The following SHC3 variants were observed in gnomAD, a reference collection of about 807,000 sequenced individuals.
SHC3 encodes the protein SHC-transforming protein 3.
In SHC3, 15 loss-of-function variants were observed where a neutral mutation model predicts 60.4. That is an observed-to-expected ratio of 0.25 (90% confidence interval 0.17 to 0.38). SHC3 has a LOEUF of 0.38. Among genes scored for constraint, SHC3 ranks in the 10% least tolerant of loss-of-function variants. SHC3 has a pLI of 1.00. For synonymous variants in SHC3, 294 were observed against 325.9 expected, an observed-to-expected ratio of 0.90 and a Z score of 1.05; for missense variants, 677 against 786.1, an observed-to-expected ratio of 0.86 and a Z score of 1.66.
At chr9:89,078,175 C>CTT (rs879883731) in intron 2 of SHC3, among the ~76,000 whole-genome samples, 6 of 144,420 alleles carry the variant, frequency 4.2e-5, no homozygotes, top group Admixed American at 6.9e-5. Context: ...CAATGCTACA[C>CTT]TTTTTTTTTT....
In SHC3 at chr9:89,012,878, G is replaced by C. The variant is rs1826030880; in HGVS notation, c.*569C>G. 6.6e-6 allele frequency: 1 copy of C among 152,320 alleles called. No homozygotes were observed. Among genetic ancestry groups the C allele is most frequent in the South Asian group, 2.1e-4 (1 of 4,826 alleles). The allele number at this position is 152,320 out of a possible 1,614,324, so 9.4% of individuals were successfully genotyped here. On this transcript the variant is annotated 3_prime_UTR_variant, in exon 12 of 12. Transcript: ENST00000375835. ...CGTGGAGTGCAGTGCAGGGAGCACAGGAGGTGTCCCAGGGAGGCCAAGGGA... is the reference window on the plus strand; with the variant it reads ...CGTGGAGTGCAGTGCAGGGAGCACACGAGGTGTCCCAGGGAGGCCAAGGGA...
chr9:89,044,831 T>C (rs908059861), intron 9 of SHC3, among the ~76,000 whole-genome samples: 17 of 152,172 alleles, frequency 1.1e-4, no homozygotes, highest in Non-Finnish European at 2.2e-4. Flanking sequence ...TCGACATTAG[T>C]TTTAATGTGT....
At chr9:89,032,810 C>G (rs1479608072) in intron 11 of SHC3, among the ~76,000 whole-genome samples, 1 of 152,104 alleles carries the variant, frequency 6.6e-6, no homozygotes, top group African/African-American at 2.4e-5. Context: ...TGCCAAGTTT[C>G]CCCCTTTATA....
Position 89,013,997 on chromosome 9 carries a change from G to A in SHC3, c.1657-422C>T, listed in dbSNP as rs542072148. 3.3e-5 allele frequency among the ~76,000 whole-genome samples: 5 copies of A among 152,178 alleles called. No homozygotes were observed. The South Asian group carries it at 8.3e-4, about 25-fold the overall frequency. On this transcript the variant is annotated intron_variant, in intron 11 of 11. Transcript: ENST00000375835. ...CTAGGCCTTTGCATGGACATCTCCC[G>A]GCCCAGAATTAGTGTCTTCCACCTG...
At chr9:89,073,974 C>CT (rs1228625264) in intron 4 of SHC3, among the ~76,000 whole-genome samples, 1 of 152,130 alleles carries the variant, frequency 6.6e-6, no homozygotes, top group African/African-American at 2.4e-5. Context: ...GAACTAGTCC[C>CT]TTAGACAAGT....
chr9:89,113,687 T>G (rs149817187), intron 1 of SHC3, among the ~76,000 whole-genome samples: 19 of 152,258 alleles, frequency 1.2e-4, no homozygotes, highest in African/African-American at 3.1e-4. Context: ...CAACAAACTT[T>G]GCAGACTCGG....
intron 1 of SHC3, among the ~76,000 whole-genome samples, chr9:89,142,296 G>A (rs1436423086): frequency 6.6e-6 from 1 of 152,136 alleles, no homozygotes; most frequent in African/African-American, 2.4e-5. Context: ...GCGATGGCTT[G>A]CACTTGTAAT....
intron 2 of SHC3, chr9:89,109,423 G>C (rs1276293816): frequency 4.0e-5 from 39 of 984,982 alleles, no homozygotes; most frequent in African/African-American, 5.2e-5. Context: ...AATGTACATG[G>C]ATAAGGGTGC....
intron 10 of SHC3, among the ~76,000 whole-genome samples, chr9:89,040,282 C>CCAT (rs1824667739): frequency 2.4e-4 from 2 of 8,308 alleles, no homozygotes; most frequent in African/African-American, 4.1e-4. Flanking sequence ...ACCATCATCA[C>CCAT]CACCATCATC....
At chr9:89,101,034 C>T (rs1197421482) in intron 2 of SHC3, among the ~76,000 whole-genome samples, 1 of 152,178 alleles carries the variant, frequency 6.6e-6, no homozygotes, top group Non-Finnish European at 1.5e-5. Flanking sequence ...AATACTGAGT[C>T]TTTAGTCTAT....
intron 1 of SHC3, among the ~76,000 whole-genome samples, chr9:89,177,155 T>C (rs1174088362): frequency 1.3e-5 from 2 of 152,218 alleles, no homozygotes; most frequent in Non-Finnish European, 2.9e-5. Context: ...AATAACCGCG[T>C]GGCAGATTAC....
intron 1 of SHC3, among the ~76,000 whole-genome samples, chr9:89,131,855 G>T (rs1422607206): frequency 6.6e-6 from 1 of 152,034 alleles, no homozygotes. Context: ...GCACAAGACA[G>T]GGATGCCCTC....
chr9:89,099,562 G>A lies in SHC3; in HGVS notation c.545+12994C>T, dbSNP rs151030692. ...GCTTTAATGCTTGACCTTTCCAGAAGGGATTGGGGAAAGGACTTTGGCCAA... is the reference window on the plus strand; with the variant it reads ...GCTTTAATGCTTGACCTTTCCAGAAAGGATTGGGGAAAGGACTTTGGCCAA... On this transcript the variant is annotated intron_variant, in intron 2 of 11. Transcript: ENST00000375835. Among the ~76,000 whole-genome samples the A allele has an allele frequency of 3.3e-4, 51 of 152,310 alleles. No homozygotes were observed. The East Asian group carries it at 9.3e-3, about 28-fold the overall frequency.
intron 4 of SHC3, among the ~76,000 whole-genome samples, chr9:89,074,691 CAAAAAAAAA>C (rs68051828): frequency 1.7e-4 from 10 of 59,928 alleles, no homozygotes; most frequent in African/African-American, 4.8e-4. Flanking sequence ...GCCACTAAAG[CAAAAAAAAA>C]AAAAAAAAAA....
intron 1 of SHC3, among the ~76,000 whole-genome samples, chr9:89,121,796 C>T (rs1826096383): frequency 6.6e-6 from 1 of 152,090 alleles, no homozygotes. Context: ...ATAATGCTAA[C>T]AATTTAAAGT....
At chr9:89,098,214 C>T (rs1036558780) in intron 2 of SHC3, among the ~76,000 whole-genome samples, 2 of 151,994 alleles carry the variant, frequency 1.3e-5, no homozygotes, top group Non-Finnish European at 2.9e-5. Context: ...CAAAGAAAGG[C>T]TAAAGAACTA....
chr9:89,024,234 A>T (rs534738371), intron 11 of SHC3, among the ~76,000 whole-genome samples: 33 of 152,188 alleles, frequency 2.2e-4, no homozygotes, highest in Non-Finnish European at 4.3e-4. Context: ...TCCTGGGTGC[A>T]CAAGCAGCAT....
At chr9:89,122,026 T>A (rs950957616) in intron 1 of SHC3, among the ~76,000 whole-genome samples, 2 of 152,226 alleles carry the variant, frequency 1.3e-5, no homozygotes, top group Admixed American at 1.3e-4. Context: ...TTCACATTCA[T>A]TTTCTCCATG....
chr9:89,052,634 G>A (rs559006724), intron 6 of SHC3, among the ~76,000 whole-genome samples: 8 of 152,326 alleles, frequency 5.3e-5, no homozygotes, highest in African/African-American at 1.9e-4. Context: ...CTTAGAGCAA[G>A]TAGTTCACTT....
Sources: gnomAD v4.1 joint callset for allele counts (sites outside exome capture counted in the v4.1 genomes callset) on GRCh38, gnomAD v4.1.1 for gene constraint, MANE v1.5 for transcripts, NCBI Gene and HGNC (gene_info 2026-07-23, HGNC 2026-07-21) for gene names.